The following COL18A1 variants were observed in gnomAD, a reference collection of about 807,000 sequenced individuals.
COL18A1 encodes collagen type XVIII alpha 1 chain, also known as collagen alpha-1(XVIII) chain.
A neutral mutation model predicts 168.0 loss-of-function variants in COL18A1; 133 were observed. That is an observed-to-expected ratio of 0.79 (90% confidence interval 0.69 to 0.91). The LOEUF is 0.91. COL18A1 is among the 40% of genes least tolerant of loss of function. The probability of loss-of-function intolerance (pLI) is 0.00; values close to 1 mark genes in which losing one functional copy is unlikely to be tolerated. For synonymous variants in COL18A1, 949 were observed against 809.0 expected, an observed-to-expected ratio of 1.17 and a Z score of -2.94; for missense variants, 2,126 against 1,925.4, an observed-to-expected ratio of 1.10 and a Z score of -1.95.
Position 45,455,788 on chromosome 21 carries a change from G to A in COL18A1, c.107-12454G>A, listed in dbSNP as rs765197743. On this transcript the variant is annotated intron_variant, in intron 2 of 41. Coordinates refer to ENST00000651438, the MANE Select transcript of COL18A1 (RefSeq NM_001379500.1). Reference sequence around the variant, plus strand: ...GCAGCCCTGAGCCACCCTCAGAGCTGCTGGAAGATGGCCAGGACACCCCCA... The same window carrying A: ...GCAGCCCTGAGCCACCCTCAGAGCTACTGGAAGATGGCCAGGACACCCCCA... 14 of 1,613,564 alleles carry A rather than the reference G, an allele frequency of 8.7e-6. No homozygotes were observed. The highest frequency in any genetic ancestry group is 1.1e-5 in the Non-Finnish European group (13 of 1,180,032).
At chr21:45,411,775 G>A (rs1226663197) in intron 2 of COL18A1, among the ~76,000 whole-genome samples, 3 of 131,748 alleles carry the variant, frequency 2.3e-5, no homozygotes, top group Non-Finnish European at 4.9e-5. Context: ...GTGGGGGGGG[G>A]GCAGGCTGTG....
Position 45,468,528 on chromosome 21 carries a change from GC to G in COL18A1, c.394del (p.His132ThrfsTer34), listed in dbSNP as rs1568893029. ...GVKLSGVQDG[H>X]QDISLLYTEP... ...TGAAGCTCTCTGGGGTGCAGGACGG[GC>G]ACCAGGACATCTCCCTGCTCTACAC... is the stretch of plus-strand genomic sequence containing the variant. On this transcript the variant is annotated frameshift_variant, in exon 3 of 42. Transcript: ENST00000651438. LOFTEE classifies it high-confidence loss of function. The G allele has an allele frequency of 1.9e-6, 3 of 1,613,164 alleles. No individual in the cohort carries two copies. In the Admixed American group the frequency reaches 5.0e-5, roughly 27 times the overall value.
intron 29 of COL18A1, 192 bp downstream of exon 29, chr21:45,495,624 ACATG>A (rs2036503808): frequency 3.4e-6 from 2 of 596,752 alleles, no homozygotes; most frequent in East Asian, 2.9e-5. Context: ...GTGTGCCCAA[ACATG>A]CATGCACATA....
chr21:45,476,538 G>T, intron 6 of COL18A1, 58 bp downstream of exon 6: 1 of 1,541,486 alleles, frequency 6.5e-7, no homozygotes, highest in Non-Finnish European at 8.8e-7. Flanking sequence ...GGTGTGTAAC[G>T]TGTGTTTGTG....
Position 45,509,385 on chromosome 21 carries a change from C to G in COL18A1, c.3279C>G (p.Pro1093=), listed in dbSNP as rs529776494. The change falls in exon 39 of 42, where the codon CCC becomes CCG. Residue 1093 remains proline (P), a synonymous_variant. Coordinates refer to ENST00000651438, the MANE Select transcript of COL18A1 (RefSeq NM_001379500.1). ...ATGAAGTGGCCGCCTTGCAGCCCCC[C>G]GTGGTGCAGCTGCACGACAGCAACC... ...TDNEVAALQP[P]VVQLHDSNPY... 2 of 1,542,062 alleles carry G rather than the reference C, an allele frequency of 1.3e-6. No homozygotes were observed. Among genetic ancestry groups the G allele is most frequent in the Non-Finnish European group, 1.7e-6 (2 of 1,143,862 alleles).
intron 40 of COL18A1, among the ~76,000 whole-genome samples, chr21:45,510,561 C>T (rs1232637782): frequency 6.6e-6 from 1 of 152,134 alleles, no homozygotes; most frequent in East Asian, 1.9e-4. Flanking sequence ...GCTGCTGGAC[C>T]AAGTGTCCAC....
chr21:45,466,725 C>A (rs923099623), intron 2 of COL18A1, among the ~76,000 whole-genome samples: 8 of 152,134 alleles, frequency 5.3e-5, no homozygotes, highest in African/African-American at 1.9e-4. Context: ...GTCCCTGGGG[C>A]CGCCGGTGTA....
Position 45,511,228 on chromosome 21 carries a change from T to C in COL18A1, c.3809+2T>C, listed in dbSNP as rs113847452. The C allele has an allele frequency of 1.5e-5, 23 of 1,539,642 alleles. No individual in the cohort carries two copies. Among genetic ancestry groups the C allele is most frequent in the Non-Finnish European group, 1.8e-5 (20 of 1,127,004 alleles). On this transcript the variant is annotated splice_donor_variant, in intron 41 of 41. Coordinates refer to ENST00000651438, the MANE Select transcript of COL18A1 (RefSeq NM_001379500.1). LOFTEE classifies it high-confidence loss of function. ...GGACGTCCTGAGGCACCCCACCTGG[T>C]AGGTTCCCAGTGCCGTGTGAGCAGC... is the stretch of plus-strand genomic sequence containing the variant.
At chr21:45,486,072 C>T (rs374288244) in intron 15 of COL18A1, among the ~76,000 whole-genome samples, 8 of 152,228 alleles carry the variant, frequency 5.3e-5, no homozygotes, top group Admixed American at 2.6e-4. Context: ...CCCCCCACAC[C>T]GGGCTCTCAC....
At position 45,513,356 on chromosome 21, in the gene COL18A1, G is replaced by A. The variant is rs2037719408; in HGVS notation, c.*958G>A. Reference sequence around the variant, plus strand: ...GGGCTGTCATCTGTGCACTGCCCATGGACAGGCTGGCTCCAGATGCAGGGC... The same window carrying A: ...GGGCTGTCATCTGTGCACTGCCCATAGACAGGCTGGCTCCAGATGCAGGGC... On this transcript the variant is annotated 3_prime_UTR_variant, in exon 42 of 42. Transcript: ENST00000651438. The A allele has an allele frequency of 6.6e-6, 1 of 152,326 alleles. No homozygotes were observed. Among genetic ancestry groups the A allele is most frequent in the Non-Finnish European group, 1.5e-5 (1 of 68,100 alleles). 9.4% of individuals were successfully genotyped at this position (152,326 alleles called of 1,614,324 possible).
chr21:45,476,176 C>T (rs1273015235), intron 5 of COL18A1, among the ~76,000 whole-genome samples, 175 bp from the exon 6 acceptor site: 4 of 152,208 alleles, frequency 2.6e-5, no homozygotes, highest in Non-Finnish European at 4.4e-5. Flanking sequence ...GGCGGCCACA[C>T]CCCTGCGGCC....
intron 2 of COL18A1, among the ~76,000 whole-genome samples, chr21:45,467,638 C>T (rs1181555026): frequency 3.9e-5 from 6 of 152,182 alleles, no homozygotes; most frequent in Admixed American, 1.3e-4. Flanking sequence ...GCCCCGTAGC[C>T]GAGGCTTCGA....
chr21:45,504,700 G>C, intron 34 of COL18A1, 144 bp downstream of exon 34: 1 of 723,886 alleles, frequency 1.4e-6, no homozygotes, highest in Non-Finnish European at 2.3e-6. Context: ...CCCTGTCCCC[G>C]TGTGGGGACG....
chr21:45,477,267 C>G (rs1054920952), intron 6 of COL18A1, 144 bp from the exon 7 acceptor site: 18 of 678,620 alleles, frequency 2.7e-5, no homozygotes, highest in Non-Finnish European at 4.5e-5. Context: ...CAGGGGAGTG[C>G]GGCCTGAGGC....
intron 15 of COL18A1, among the ~76,000 whole-genome samples, chr21:45,483,552 G>A (rs1213167544): frequency 2.0e-5 from 3 of 152,120 alleles, no homozygotes; most frequent in Non-Finnish European, 2.9e-5. Context: ...GCTGGGAGCC[G>A]GGTCTGGGCC....
intron 38 of COL18A1, among the ~76,000 whole-genome samples, chr21:45,508,594 CCTT>C (rs1200831761): frequency 6.6e-6 from 1 of 151,936 alleles, no homozygotes; most frequent in Non-Finnish European, 1.5e-5. Context: ...GTCGGCCCCT[CCTT>C]GAGTAGAGGT....
rs552369961 is a variant in COL18A1, at chr21:45,413,103, G to A, written c.106+7630G>A. ...TGCTGACAGCCCTCTGAGGCCAGCC[G>A]GTCCTGAGGCTCTAGGGGGGACGCC... is the stretch of plus-strand genomic sequence containing the variant. On this transcript the variant is annotated intron_variant, in intron 2 of 41. Transcript: ENST00000651438. 1.4e-4 allele frequency among the ~76,000 whole-genome samples: 21 copies of A among 152,304 alleles called. No homozygotes were observed. In the South Asian group the frequency reaches 2.5e-3, roughly 18 times the overall value.
At position 45,506,455 on chromosome 21, in the gene COL18A1, T is replaced by C. The variant is rs777402340; in HGVS notation, c.3216+489T>C. 13 of 268,136 alleles carry C rather than the reference T, an allele frequency of 4.8e-5. No individual in the cohort carries two copies. In the Admixed American group the frequency reaches 4.9e-4, roughly 10 times the overall value. 16.6% of individuals were successfully genotyped at this position (268,136 alleles called of 1,614,324 possible). On this transcript the variant is annotated intron_variant, in intron 37 of 41. Coordinates refer to ENST00000651438, the MANE Select transcript of COL18A1 (RefSeq NM_001379500.1). Reference sequence around the variant, plus strand: ...CACGGGCCTTGCTCACCAGCCTGGCTCCTCAGACACACCTGGGATTGCCCC... The same window carrying C: ...CACGGGCCTTGCTCACCAGCCTGGCCCCTCAGACACACCTGGGATTGCCCC...
rs529458355 is a variant in COL18A1 at position 45,490,311 on chromosome 21, G to A, written c.1996G>A (p.Gly666Ser). Residue 666 changes from glycine (G) to serine (S), a missense_variant, in exon 20 of 42, where the codon GGC (glycine) becomes AGC (serine). Transcript: ENST00000651438. The stretch of plus-strand genomic sequence containing the variant: ...AGCAGATGGAGTCCCCGGGTTCCCC[G>A]GCCTCCCTGGCAGAGAGGGCATTGC... ...VGADGVPGFPGLPGREGIAGP... is the reference protein window; with the variant it reads ...VGADGVPGFPSLPGREGIAGP... The A allele has an allele frequency of 1.3e-5, 20 of 1,588,330 alleles. No individual in the cohort carries two copies. Among genetic ancestry groups the A allele is most frequent in the Admixed American group, 7.1e-5 (4 of 56,226 alleles).
Sources: allele counts gnomAD v4.1 joint callset (sites outside exome capture counted in the v4.1 genomes callset), GRCh38; gene constraint gnomAD v4.1.1; transcripts MANE v1.5; gene names NCBI Gene and HGNC (gene_info 2026-07-23, HGNC 2026-07-21).